The following SLC35H1 variants were observed in gnomAD, a reference collection of about 807,000 sequenced individuals.
SLC35H1 encodes the protein ovarian cancer-overexpressed gene 1 protein.
At chr20:46,355,474 G>T in the SLC35H1 span, 1 of 627,962 alleles carries the variant, frequency 1.6e-6, no homozygotes, top group Non-Finnish European at 2.7e-6. This position sits in a 1 kb window ranked among gnomAD's most constrained non-coding sequence, Gnocchi z 4.8. Context: ...CACACTGACG[G>T]CTGTCCTAGG....
At chr20:46,358,772 G>A in the SLC35H1 span, 1 of 1,478,486 alleles carries the variant, frequency 6.8e-7, no homozygotes, top group Non-Finnish European at 9.2e-7. Context: ...TGCTGCTGGG[G>A]AAAAAGGGCC....
At chr20:46,358,316 T>C in the SLC35H1 span, 2 of 1,374,854 alleles carry the variant, frequency 1.5e-6, no homozygotes, top group Non-Finnish European at 2.1e-6. Flanking sequence ...CTGTTAAACA[T>C]GAAGGGCACC....
chr20:46,356,464 G>T, the SLC35H1 span: 1 of 1,080,224 alleles, frequency 9.3e-7, no homozygotes, highest in Non-Finnish European at 1.4e-6. Flanking sequence ...GCAAGGGCTG[G>T]TCCCAGAGTG....
chr20:46,364,375 G>C, the SLC35H1 span: 1 of 152,268 alleles, frequency 6.6e-6, no homozygotes, highest in African/African-American at 2.4e-5. Flanking sequence ...ACTCACCTCG[G>C]CCCTGGGAGC....
the SLC35H1 span, chr20:46,346,240 G>A: frequency 9.2e-5 from 14 of 152,124 alleles, no homozygotes; most frequent in African/African-American, 2.4e-4. Flanking sequence ...AGTTGCCAAC[G>A]AAACTAAATA....
chr20:46,363,682 G>A, the SLC35H1 span, among the ~76,000 whole-genome samples: 1 of 152,152 alleles, frequency 6.6e-6, no homozygotes, highest in East Asian at 1.9e-4. Flanking sequence ...CCTGCTGACT[G>A]CCACTGGTCT....
chr20:46,350,401 T>A, the SLC35H1 span: 4 of 1,610,704 alleles, frequency 2.5e-6, no homozygotes, highest in Non-Finnish European at 2.5e-6. Context: ...TGGTCACTGC[T>A]GCCCCTGGGC....
the SLC35H1 span, among the ~76,000 whole-genome samples, chr20:46,358,125 G>T: frequency 1.3e-5 from 2 of 152,150 alleles, no homozygotes; most frequent in Non-Finnish European, 2.9e-5. Flanking sequence ...CTTCTCTAGT[G>T]GGGTAAATAG....
chr20:46,353,434 G>T, the SLC35H1 span, among the ~76,000 whole-genome samples: 104 of 152,302 alleles, frequency 6.8e-4, 1 homozygote, highest in Middle Eastern at 0.014. Flanking sequence ...TATTAGCACA[G>T]GGTGAAGGGG....
At chr20:46,358,866 T>C in the SLC35H1 span, 1 of 765,542 alleles carries the variant, frequency 1.3e-6, no homozygotes, top group Middle Eastern at 3.1e-4. Context: ...CTGGAGGGGC[T>C]GCCCACAACG....
At chr20:46,363,425 TAAG>T in the SLC35H1 span, among the ~76,000 whole-genome samples, 3 of 152,232 alleles carry the variant, frequency 2.0e-5, no homozygotes, top group African/African-American at 7.2e-5. Flanking sequence ...TAAGATGCCC[TAAG>T]AAGATTTCGT....
chr20:46,360,758 C>G, the SLC35H1 span, among the ~76,000 whole-genome samples: 1 of 152,192 alleles, frequency 6.6e-6, no homozygotes. Context: ...CCATGTTGGT[C>G]AGGCTGGTCT....
the SLC35H1 span, chr20:46,359,002 C>G: frequency 1.9e-6 from 1 of 532,578 alleles, no homozygotes; most frequent in Non-Finnish European, 3.4e-6. Flanking sequence ...TGCTTAAAAC[C>G]CTTCAGCAGC....
the SLC35H1 span, chr20:46,354,867 G>C: frequency 1.3e-5 from 20 of 1,581,282 alleles, no homozygotes; most frequent in Non-Finnish European, 1.2e-5. Flanking sequence ...CCTTGAGAGG[G>C]AAGGCCCAAC....
At chr20:46,352,396 T>C in the SLC35H1 span, 3 of 638,966 alleles carry the variant, frequency 4.7e-6, no homozygotes, top group African/African-American at 1.8e-5. Context: ...CCCACACAGA[T>C]GGCCTGAGAC....
At chr20:46,358,400 T>G in the SLC35H1 span, 1 of 1,614,072 alleles carries the variant, frequency 6.2e-7, no homozygotes, top group South Asian at 1.1e-5. Context: ...TGTCAGCCAC[T>G]TGTTGTAGAA....
At chr20:46,354,877 C>T in the SLC35H1 span, 3 of 1,592,488 alleles carry the variant, frequency 1.9e-6, no homozygotes, top group Non-Finnish European at 2.6e-6. Flanking sequence ...GAAGGCCCAA[C>T]GTACCTTCAA....
chr20:46,350,322 G>A, the SLC35H1 span: 1 of 1,514,660 alleles, frequency 6.6e-7, no homozygotes, highest in South Asian at 1.3e-5. Flanking sequence ...ATGAGCCCTG[G>A]CGGCTTGAGC....
the SLC35H1 span, chr20:46,358,980 AT>A: frequency 1.8e-6 from 1 of 570,980 alleles, no homozygotes; most frequent in Non-Finnish European, 3.1e-6. Flanking sequence ...CAAACTGATC[AT>A]GTCAGGCCAC....
Sources: gnomAD v4.1 joint callset for allele counts (sites outside exome capture counted in the v4.1 genomes callset) on GRCh38, gnomAD v4.1.1 for gene constraint, Gnocchi (gnomAD v3.1) non-coding constraint, MANE v1.5 for transcripts, NCBI Gene and HGNC (gene_info 2026-07-23, HGNC 2026-07-21) for gene names.